Variants in GNAI1 observed in about 807,000 individuals in gnomAD.
GNAI1 encodes the protein guanine nucleotide-binding protein G(i) subunit alpha-1.
GNAI1 carries 11 observed loss-of-function variants against 38.9 expected under a neutral mutation model. That is an observed-to-expected ratio of 0.28 (90% confidence interval 0.18 to 0.47). The LOEUF (loss-of-function observed/expected upper bound fraction) is 0.47, where lower values mean the gene tolerates loss of function less well. Ranked by LOEUF, GNAI1 falls within the 20% of genes least tolerant of loss-of-function variation. The probability of loss-of-function intolerance (pLI) is 0.99; values close to 1 mark genes in which losing one functional copy is unlikely to be tolerated. For missense variants in GNAI1, 317 were observed against 436.9 expected (o/e 0.73, Z 2.45); for synonymous variants, 166 against 145.1 (o/e 1.14, Z -1.04).
chr7:80,175,726 T>A (rs1013447964), intron 1 of GNAI1, among the ~76,000 whole-genome samples: 2 of 152,162 alleles, frequency 1.3e-5, no homozygotes, highest in African/African-American at 4.8e-5. Flanking sequence ...ATGTTACTAT[T>A]CTAATTGTTT....
At chr7:80,169,579 A>C (rs996951260) in intron 1 of GNAI1, among the ~76,000 whole-genome samples, 14 of 152,160 alleles carry the variant, frequency 9.2e-5, no homozygotes, top group African/African-American at 3.4e-4. Context: ...GACTTCATGG[A>C]AGGGAAGTCA....
chr7:80,164,964 A>G lies in GNAI1; in HGVS notation c.119-23987A>G, dbSNP rs183652903. Among the ~76,000 whole-genome samples the G allele has an allele frequency of 2.5e-3, 379 of 152,022 alleles. 2 individuals carry two copies. Among genetic ancestry groups the G allele is most frequent in the African/African-American group, 8.9e-3 (368 of 41,276 alleles). On this transcript the variant is annotated intron_variant, in intron 1 of 7. Coordinates refer to ENST00000649796, the MANE Select transcript of GNAI1 (RefSeq NM_002069.6). ...AAAGTTAGAAAATACGCCTATGAGA[A>G]AAAGCTAAAGATGACATTATTTGTC... is the stretch of plus-strand genomic sequence containing the variant.
intron 4 of GNAI1, among the ~76,000 whole-genome samples, chr7:80,202,021 C>A (rs1405333833): frequency 6.6e-6 from 1 of 152,104 alleles, no homozygotes; most frequent in Non-Finnish European, 1.5e-5. Context: ...TGCTTTTCTT[C>A]TTTGTCTTAT....
intron 4 of GNAI1, among the ~76,000 whole-genome samples, chr7:80,200,351 A>T (rs892707720): frequency 2.0e-5 from 3 of 147,512 alleles, no homozygotes; most frequent in Non-Finnish European, 4.5e-5. Context: ...AAAAAAACCT[A>T]ATCAGGGAGC....
At chr7:80,152,080 T>A (rs1442401921) in intron 1 of GNAI1, among the ~76,000 whole-genome samples, 1 of 152,178 alleles carries the variant, frequency 6.6e-6, no homozygotes, top group East Asian at 1.9e-4. Flanking sequence ...TTTCTAGAAC[T>A]AAGGTGGCAG....
intron 1 of GNAI1, among the ~76,000 whole-genome samples, chr7:80,141,862 C>A (rs148764171): frequency 7.2e-5 from 11 of 152,318 alleles, no homozygotes; most frequent in Middle Eastern, 6.8e-3. Flanking sequence ...AACTGCTGGA[C>A]TTAATTCAGC....
At chr7:80,198,324 A>AAAG (rs1450799109) in intron 3 of GNAI1, among the ~76,000 whole-genome samples, 1 of 152,074 alleles carries the variant, frequency 6.6e-6, no homozygotes, top group African/African-American at 2.4e-5. Context: ...ACTGTTAAAA[A>AAAG]TCATTTCACC....
intron 1 of GNAI1, among the ~76,000 whole-genome samples, chr7:80,141,251 C>T (rs541127785): frequency 3.3e-5 from 5 of 152,190 alleles, no homozygotes; most frequent in African/African-American, 9.7e-5. Context: ...TGCATTCACC[C>T]TCTCCCAACA....
chr7:80,188,793 G>A (rs1390837577), intron 1 of GNAI1, among the ~76,000 whole-genome samples, 158 bp from the exon 2 acceptor site: 1 of 151,906 alleles, frequency 6.6e-6, no homozygotes, highest in Non-Finnish European at 1.5e-5. Flanking sequence ...TTGCTGCCTT[G>A]TATCTCATTT....
chr7:80,140,853 A>C (rs1787513356), intron 1 of GNAI1, among the ~76,000 whole-genome samples: 1 of 152,160 alleles, frequency 6.6e-6, no homozygotes, highest in East Asian at 1.9e-4. Flanking sequence ...CAGGTTGTTG[A>C]TAGGGCTTCT....
At chr7:80,187,244 T>C (rs1788404540) in intron 1 of GNAI1, 1 of 151,192 alleles carries the variant, frequency 6.6e-6, no homozygotes, top group Non-Finnish European at 1.5e-5. Context: ...TGTGTGTCTT[T>C]GTGTGTCTGG....
chr7:80,147,092 G>A lies in GNAI1; in HGVS notation c.118+11814G>A, dbSNP rs533756558. Among the ~76,000 whole-genome samples the A allele has an allele frequency of 5.3e-5, 8 of 152,256 alleles. No individual in the cohort carries two copies. In the South Asian group the frequency reaches 1.5e-3, roughly 28 times the overall value. ...TTATGATTTGGCAAGAGTGTTTTAA[G>A]TGGAGTTCTTTTGATGATACGATTG... On this transcript the variant is annotated intron_variant, in intron 1 of 7. Coordinates refer to ENST00000649796, the MANE Select transcript of GNAI1 (RefSeq NM_002069.6).
At chr7:80,174,184 T>C (rs1193451952) in intron 1 of GNAI1, among the ~76,000 whole-genome samples, 2 of 152,084 alleles carry the variant, frequency 1.3e-5, no homozygotes, top group East Asian at 1.9e-4. Flanking sequence ...TTTTTCTAAA[T>C]AAATCGCATA....
At chr7:80,206,929 T>G (rs1297247354) in intron 5 of GNAI1, among the ~76,000 whole-genome samples, 1 of 152,052 alleles carries the variant, frequency 6.6e-6, no homozygotes, top group Non-Finnish European at 1.5e-5. Context: ...TGTAATATTT[T>G]TGGACCTTGG....
At chr7:80,147,046 T>G (rs1787635194) in intron 1 of GNAI1, among the ~76,000 whole-genome samples, 1 of 152,298 alleles carries the variant, frequency 6.6e-6, no homozygotes. Context: ...CCAAAAACTA[T>G]AATTAGTGAT....
intron 1 of GNAI1, among the ~76,000 whole-genome samples, chr7:80,146,945 A>G (rs1787633391): frequency 6.6e-6 from 1 of 152,196 alleles, no homozygotes; most frequent in Non-Finnish European, 1.5e-5. Context: ...ACTTCTTCTA[A>G]TGTCAATCTA....
chr7:80,214,388 T>G (rs905018330), intron 7 of GNAI1, among the ~76,000 whole-genome samples: 2 of 152,192 alleles, frequency 1.3e-5, no homozygotes, highest in Non-Finnish European at 2.9e-5. Flanking sequence ...GATGTAGCCA[T>G]TTTGTACTAA....
At chr7:80,142,781 A>G (rs972211721) in intron 1 of GNAI1, among the ~76,000 whole-genome samples, 3 of 152,196 alleles carry the variant, frequency 2.0e-5, no homozygotes, top group African/African-American at 7.2e-5. Flanking sequence ...TATTCCTAAC[A>G]CATTTCTAAA....
intron 1 of GNAI1, among the ~76,000 whole-genome samples, chr7:80,164,689 T>G (rs1000366916): frequency 1.3e-5 from 2 of 152,218 alleles, no homozygotes; most frequent in Non-Finnish European, 2.9e-5. Flanking sequence ...AGAAGTTGAC[T>G]CTAGACTTTA....
Sources: allele counts gnomAD v4.1 joint callset (sites outside exome capture counted in the v4.1 genomes callset), GRCh38; gene constraint gnomAD v4.1.1; transcripts MANE v1.5; gene names NCBI Gene and HGNC (gene_info 2026-07-23, HGNC 2026-07-21).